Variants in TRANK1 observed in about 807,000 individuals in gnomAD.
The protein encoded by TRANK1 is TPR and ankyrin repeat-containing protein 1.
Under a neutral mutation model 266.0 loss-of-function variants are expected in TRANK1, and 198 were observed. The ratio of observed to expected loss-of-function variants is 0.74; its 90% CI spans 0.66 to 0.84. TRANK1 has a LOEUF of 0.84. Among genes scored for constraint, TRANK1 ranks in the 40% least tolerant of loss-of-function variants. TRANK1 has a pLI of 0.00. For missense variants in TRANK1, 3,326 were observed against 3,634.6 expected (o/e 0.92, Z 2.18); for synonymous variants, 1,396 against 1,384.1 (o/e 1.01, Z -0.19).
intron 5 of TRANK1, among the ~76,000 whole-genome samples, 169 bp from the exon 6 acceptor site, chr3:36,893,153 T>C (rs1170498601): frequency 6.6e-6 from 1 of 152,082 alleles, no homozygotes; most frequent in African/African-American, 2.4e-5. Context: ...CTGTGACAAT[T>C]AAAGTCTCTG....
chr3:36,923,236 A>T (rs918860619), intron 1 of TRANK1, among the ~76,000 whole-genome samples: 3 of 144,318 alleles, frequency 2.1e-5, no homozygotes, highest in African/African-American at 7.7e-5. Flanking sequence ...ACCCTTCTCC[A>T]CCTACAACTG....
intron 11 of TRANK1, among the ~76,000 whole-genome samples, chr3:36,859,518 ATCCCT>A (rs533679851): frequency 2.0e-4 from 31 of 152,032 alleles, no homozygotes; most frequent in South Asian, 1.0e-3. Context: ...AACATGCCAC[ATCCCT>A]TGCTTCTACT....
chr3:36,866,084 G>GAA (rs1476231707), intron 9 of TRANK1, among the ~76,000 whole-genome samples: 1 of 150,862 alleles, frequency 6.6e-6, no homozygotes, highest in Non-Finnish European at 1.5e-5. Flanking sequence ...AAGAAAGAAA[G>GAA]AAAGAAAGAA....
At chr3:36,828,458 G>C (rs1471999627) in intron 23 of TRANK1, 83 bp from the exon 24 acceptor site, 1 of 969,714 alleles carries the variant, frequency 1.0e-6, no homozygotes, top group Non-Finnish European at 1.6e-6. Flanking sequence ...AGGAAGGAAG[G>C]AAAGGAGGAA....
At chr3:36,941,889 G>A (rs987244554) in intron 1 of TRANK1, among the ~76,000 whole-genome samples, 1 of 152,158 alleles carries the variant, frequency 6.6e-6, no homozygotes, top group Non-Finnish European at 1.5e-5. Context: ...TCACTCTGAG[G>A]GCAAAGCACT....
Position 36,832,465 on chromosome 3 carries a change from C to T in TRANK1, c.7118G>A (p.Gly2373Asp). ...TTTTATCCTGCTGCCTCTCCCCCTG[C>T]CCCTTTCATCCTTTTCAGACTCTAG... ...KALESEKDER[G>D]RGRGSRIKGI... The change falls in exon 22 of 24, where the codon GGC becomes GAC. Residue 2373 changes from glycine to aspartate, a missense_variant. By Grantham distance (94) the Gly-to-Asp change is moderately conservative. Transcript: ENST00000645898. The T allele has an allele frequency of 6.2e-7, 1 of 1,613,944 alleles. No homozygotes were observed. The highest frequency in any genetic ancestry group is 8.5e-7 in the Non-Finnish European group (1 of 1,179,884).
intron 1 of TRANK1, among the ~76,000 whole-genome samples, chr3:36,923,381 G>T (rs1385581569): frequency 1.3e-5 from 2 of 151,374 alleles, no homozygotes; most frequent in Non-Finnish European, 2.9e-5. Context: ...TCAGCCTCCC[G>T]AGTGGCTGGG....
chr3:36,867,338 C>T (rs547359615), intron 9 of TRANK1, among the ~76,000 whole-genome samples: 1 of 152,296 alleles, frequency 6.6e-6, no homozygotes, highest in Non-Finnish European at 1.5e-5. Flanking sequence ...AAAAAACTCA[C>T]ATGAAAATGA....
At position 36,855,325 on chromosome 3, in the gene TRANK1, G is replaced by C; in HGVS notation, c.4397C>G (p.Thr1466Arg). 1 of 1,614,038 alleles carries C rather than the reference G, an allele frequency of 6.2e-7. No individual in the cohort carries two copies. Among genetic ancestry groups the C allele is most frequent in the Non-Finnish European group, 8.5e-7 (1 of 1,179,898 alleles). ...DPNSMFLTGD[T>R]AQSIMKGVAF... ...CACGCCCTTCATGATGCTCTGGGCC[G>C]TGTCCCCCGTGAGGAACATAGAGTT... Residue 1466 changes from threonine (T) to arginine (R), a missense_variant, in exon 13 of 24, where the codon ACG becomes AGG. Coordinates refer to ENST00000645898, the MANE Select transcript of TRANK1 (RefSeq NM_001329998.2).
intron 16 of TRANK1, among the ~76,000 whole-genome samples, chr3:36,846,840 TAA>T (rs1053433116): frequency 6.6e-6 from 1 of 152,196 alleles, no homozygotes; most frequent in African/African-American, 2.4e-5. Flanking sequence ...GATTTATTTT[TAA>T]AAATTAAACC....
At chr3:36,862,887 C>T (rs1264028546) in intron 10 of TRANK1, among the ~76,000 whole-genome samples, 2 of 152,014 alleles carry the variant, frequency 1.3e-5, no homozygotes, top group African/African-American at 4.8e-5. Context: ...CAGCCTGGCA[C>T]TTTTATTAGG....
chr3:36,902,553 C>T (rs1457085366), intron 3 of TRANK1, among the ~76,000 whole-genome samples: 1 of 152,302 alleles, frequency 6.6e-6, no homozygotes, highest in African/African-American at 2.4e-5. Context: ...GCACTCAGGG[C>T]ATTTCTGATG....
At position 36,847,438 on chromosome 3, in the gene TRANK1, C is replaced by T. The variant is rs985032513; in HGVS notation, c.4888-92G>A. 3.9e-5 allele frequency: 56 copies of T among 1,425,146 alleles called. No individual in the cohort carries two copies. In the Middle Eastern group the frequency reaches 5.9e-4, roughly 15 times the overall value. 88.3% of individuals were successfully genotyped at this position (1,425,146 alleles called of 1,614,324 possible). ...AGCTTCATGGAAAACTAAGCCTCAT[C>T]GGGGGACCAGGCCTTCAACCCCAAC... is the stretch of plus-strand genomic sequence containing the variant. On this transcript the variant is annotated intron_variant, in intron 15 of 23. Transcript: ENST00000645898.
intron 1 of TRANK1, among the ~76,000 whole-genome samples, chr3:36,933,443 A>C (rs1301001837): frequency 1.3e-5 from 2 of 152,238 alleles, no homozygotes; most frequent in African/African-American, 4.8e-5. Context: ...AAGTGAGATG[A>C]TTGGACTACA....
intron 8 of TRANK1, among the ~76,000 whole-genome samples, chr3:36,888,977 C>T (rs982211047): frequency 1.3e-5 from 2 of 152,068 alleles, no homozygotes; most frequent in African/African-American, 2.4e-5. Flanking sequence ...ACCTGGGAAG[C>T]GGAGGTTGCA....
Position 36,903,131 on chromosome 3 carries a change from C to A in TRANK1, c.282+18G>T. On this transcript the variant is annotated intron_variant, in intron 3 of 23. Coordinates refer to ENST00000645898, the MANE Select transcript of TRANK1 (RefSeq NM_001329998.2). ...CTCTCAAGTCATCTCCCCACACCTT[C>A]ACCCTCCCACCCCATACCTTCACGT... The A allele has an allele frequency of 6.5e-7, 1 of 1,535,344 alleles. No individual in the cohort carries two copies. The highest frequency in any genetic ancestry group is 8.7e-7 in the Non-Finnish European group (1 of 1,145,592).
At chr3:36,911,356 C>G (rs2080049816) in intron 1 of TRANK1, among the ~76,000 whole-genome samples, 2 of 152,128 alleles carry the variant, frequency 1.3e-5, no homozygotes, top group Non-Finnish European at 2.9e-5. Context: ...TCCAATCACT[C>G]TACGATGTAC....
rs2125565046 is a variant in TRANK1, at chr3:36,828,371, A to G, written c.8814T>C (p.Ile2938=). 1 of 1,546,900 alleles carries G rather than the reference A, an allele frequency of 6.5e-7. No individual in the cohort carries two copies. The highest frequency in any genetic ancestry group is 2.3e-5 in the East Asian group (1 of 43,720). ...CATTTTCATAATCATCTTCCTGAAC[A>G]ATACCTGAAGAAAGAAAGAAGGAAG... ...KTETRLKKEG[I]VQEDDYENEV... is the part of the protein sequence containing the mutation. Residue 2938 remains isoleucine, a synonymous_variant, in exon 24 of 24, where the codon ATT becomes ATC. Coordinates refer to ENST00000645898, the MANE Select transcript of TRANK1 (RefSeq NM_001329998.2).
In TRANK1 at chr3:36,886,243, T is replaced by G. The variant is rs577800911; in HGVS notation, c.907+3586A>C. On this transcript the variant is annotated intron_variant, in intron 8 of 23. Transcript: ENST00000645898. ...TCCGCCTCCCAAGTTCAAGCGATTC[T>G]CCTGCCTCAGCCTCCCAAGTAACTG... Among the ~76,000 whole-genome samples the G allele has an allele frequency of 2.6e-3, 392 of 148,132 alleles. 5 individuals carry two copies. The highest frequency in any genetic ancestry group is 9.4e-3 in the African/African-American group (381 of 40,584).
Sources: gnomAD v4.1 joint callset for allele counts (sites outside exome capture counted in the v4.1 genomes callset) on GRCh38, gnomAD v4.1.1 for gene constraint, MANE v1.5 for transcripts, NCBI Gene and HGNC (gene_info 2026-07-23, HGNC 2026-07-21) for gene names.